Variants in USH2A observed in about 807,000 individuals in gnomAD.
USH2A encodes Usher syndrome 2A (autosomal recessive, mild).
Under a neutral mutation model 538.9 loss-of-function variants are expected in USH2A, and 443 were observed. The observed-to-expected ratio is 0.82, with a 90% CI of 0.76 to 0.89. The LOEUF (loss-of-function observed/expected upper bound fraction) is 0.89, where lower values mean the gene tolerates loss of function less well. Among genes scored for constraint, USH2A ranks in the 40% least tolerant of loss-of-function variants. The pLI, the probability that USH2A is intolerant of heterozygous loss-of-function variation, is 0.00. For missense variants in USH2A, 6,633 were observed against 6,324.8 expected, an observed-to-expected ratio of 1.05 and a Z score of -1.65; for synonymous variants, 2,413 against 2,273.5, an observed-to-expected ratio of 1.06 and a Z score of -1.75.
intron 67 of USH2A, among the ~76,000 whole-genome samples, chr1:215,643,419 T>C (rs1558034943): frequency 6.6e-6 from 1 of 152,174 alleles, no homozygotes; most frequent in East Asian, 1.9e-4. Flanking sequence ...CTTGTATTTT[T>C]CCGTAACTAT....
At chr1:216,209,461 T>G (rs537526195) in intron 15 of USH2A, among the ~76,000 whole-genome samples, 1 of 152,190 alleles carries the variant, frequency 6.6e-6, no homozygotes, top group Non-Finnish European at 1.5e-5. Flanking sequence ...AACAGTAAAG[T>G]GAAGTTATTC....
intron 30 of USH2A, among the ~76,000 whole-genome samples, chr1:216,056,453 C>T (rs1170872996): frequency 1.3e-5 from 2 of 152,068 alleles, no homozygotes; most frequent in Admixed American, 1.3e-4. Context: ...TGCTCAAGTC[C>T]AGACAGCTAA....
chr1:215,866,717 C>T (rs566911711), intron 44 of USH2A, among the ~76,000 whole-genome samples: 4 of 152,258 alleles, frequency 2.6e-5, no homozygotes, highest in Middle Eastern at 3.4e-3. Flanking sequence ...AGAGGGAGAG[C>T]AGGAGGCCCA....
chr1:216,042,817 G>A (rs529334883), intron 32 of USH2A, among the ~76,000 whole-genome samples: 54 of 152,122 alleles, frequency 3.5e-4, no homozygotes, highest in African/African-American at 3.1e-4. Context: ...ATCTGTGGTC[G>A]TAAGAGTGGG....
intron 3 of USH2A, among the ~76,000 whole-genome samples, chr1:216,397,231 G>A (rs556471255): frequency 9.2e-5 from 14 of 152,256 alleles, no homozygotes; most frequent in Middle Eastern, 3.4e-3. Flanking sequence ...AAAGTGTTAA[G>A]GGAATCTGCA....
intron 47 of USH2A, among the ~76,000 whole-genome samples, chr1:215,827,646 T>C (rs1663192977): frequency 1.3e-5 from 2 of 152,304 alleles, no homozygotes; most frequent in East Asian, 1.9e-4. Context: ...ATTGGATCTG[T>C]ACGAATTGCA....
rs187390954 is a variant in USH2A, at chr1:215,834,449, A to T, written c.9371+3542T>A. ...TAAAAGAAGCCATTTGAATGGCTAC[A>T]TATTATGTGATCCATTTACATGACA... On this transcript the variant is annotated intron_variant, in intron 47 of 71. Coordinates refer to ENST00000307340, the MANE Select transcript of USH2A (RefSeq NM_206933.4). Among the ~76,000 whole-genome samples, 221 of 152,340 alleles carry T rather than the reference A, an allele frequency of 1.5e-3. 1 individual carries two copies. The highest frequency in any genetic ancestry group is 5.0e-3 in the African/African-American group (207 of 41,588).
At chr1:216,214,664 A>G (rs1345413417) in intron 15 of USH2A, among the ~76,000 whole-genome samples, 2 of 152,056 alleles carry the variant, frequency 1.3e-5, no homozygotes, top group Non-Finnish European at 2.9e-5. Context: ...CCATCAAACC[A>G]TATACTTAAA....
At chr1:216,409,608 G>T (rs564464273) in intron 3 of USH2A, among the ~76,000 whole-genome samples, 1 of 152,110 alleles carries the variant, frequency 6.6e-6, no homozygotes, top group African/African-American at 2.4e-5. Context: ...CTTTGAGAAA[G>T]CTGACAAAAA....
At chr1:215,841,921 G>T (rs1341281188) in intron 46 of USH2A, among the ~76,000 whole-genome samples, 1 of 152,084 alleles carries the variant, frequency 6.6e-6, no homozygotes, top group Non-Finnish European at 1.5e-5. Flanking sequence ...AATTTATGCG[G>T]CCAACAAACA....
chr1:216,149,790 AC>A (rs2033795629), intron 21 of USH2A, among the ~76,000 whole-genome samples: 4 of 151,660 alleles, frequency 2.6e-5, no homozygotes, highest in Admixed American at 2.6e-4. Context: ...GACCCCTCAA[AC>A]TCTATAACCT....
chr1:215,796,340 G>A (rs578201789), intron 50 of USH2A, among the ~76,000 whole-genome samples: 192 of 152,158 alleles, frequency 1.3e-3, no homozygotes, highest in Admixed American at 2.2e-3. Flanking sequence ...AATAGCACGT[G>A]TTCGCTTCGT....
chr1:215,709,736 G>C (rs1659285646), intron 61 of USH2A, among the ~76,000 whole-genome samples: 1 of 151,590 alleles, frequency 6.6e-6, no homozygotes, highest in Non-Finnish European at 1.5e-5. Context: ...GATACCTATG[G>C]TCATTGCCCA....
intron 13 of USH2A, among the ~76,000 whole-genome samples, chr1:216,244,763 G>T (rs1183031017): frequency 6.6e-6 from 1 of 152,088 alleles, no homozygotes. Flanking sequence ...ATGATGGATT[G>T]GGTCTTTCAT....
intron 12 of USH2A, among the ~76,000 whole-genome samples, chr1:216,250,412 C>T (rs2036134720): frequency 6.6e-6 from 1 of 152,008 alleles, no homozygotes; most frequent in South Asian, 2.1e-4. Context: ...ACTTATTTTG[C>T]ATTTCATAGG....
In USH2A at chr1:216,418,618, C is replaced by T; in HGVS notation, c.547G>A (p.Glu183Lys). The T allele has an allele frequency of 6.2e-7, 1 of 1,613,338 alleles. No individual in the cohort carries two copies. The highest frequency in any genetic ancestry group is 2.2e-5 in the East Asian group (1 of 44,810). ...ACTGTGCGATAATAAAACATGGTCT[C>T]TTTCTCAGATATTGTAAGTTTGAAC... is the stretch of plus-strand genomic sequence containing the variant. ...IVFKLTISEK[E>K]TMFYYRTVNG... Residue 183 changes from glutamate (E) to lysine (K), a missense_variant, in exon 3 of 72, where the codon GAG becomes AAG. By Grantham distance (56) the Glu-to-Lys change is moderately conservative (BLOSUM62 1). Transcript: ENST00000307340.
chr1:216,135,570 A>C lies in USH2A; in HGVS notation c.4628-38357T>G, dbSNP rs577522599. ...GTCATAGATGTTACAGCTAAAGGGT[A>C]ATATTTATAACCATTTACTATAACT... is the stretch of plus-strand genomic sequence containing the variant. On this transcript the variant is annotated intron_variant, in intron 21 of 71. Transcript: ENST00000307340. 3.9e-5 allele frequency among the ~76,000 whole-genome samples: 6 copies of C among 152,294 alleles called. No individual in the cohort carries two copies. The East Asian group carries it at 9.7e-4, about 25-fold the overall frequency.
At position 215,728,281 on chromosome 1, in the gene USH2A, C is replaced by A; in HGVS notation, c.11815G>T (p.Glu3939Ter). Residue 3939 changes from glutamate to a stop codon, truncating the protein, a stop_gained, in exon 61 of 72, where the codon GAA (glutamate) becomes TAA (stop). Transcript: ENST00000307340. LOFTEE classifies it high-confidence loss of function. ...GAGTTACAGGCTCTGACCCGATATT[C>A]GTAGAGTGTGAAAGGCCTCAGGGTG... ...GDTLRPFTLYEYRVRACNSKG... is the reference protein window; with the variant it reads ...GDTLRPFTLY 6.2e-7 allele frequency: 1 copy of A among 1,614,100 alleles called. No individual in the cohort carries two copies. Among genetic ancestry groups the A allele is most frequent in the Non-Finnish European group, 8.5e-7 (1 of 1,180,020 alleles).
At chr1:216,033,548 A>C (rs1256171958) in intron 32 of USH2A, among the ~76,000 whole-genome samples, 2 of 152,208 alleles carry the variant, frequency 1.3e-5, no homozygotes, top group African/African-American at 4.8e-5. Context: ...AGAATGATAT[A>C]AGGCTAAGAA....
Sources: allele counts gnomAD v4.1 joint callset (sites outside exome capture counted in the v4.1 genomes callset), GRCh38; gene constraint gnomAD v4.1.1; transcripts MANE v1.5; gene names NCBI Gene and HGNC (gene_info 2026-07-23, HGNC 2026-07-21).